EPSTI1: variants seen among roughly 807,000 people sequenced by gnomAD.
EPSTI1 encodes epithelial-stromal interaction protein 1.
EPSTI1 carries 66 observed loss-of-function variants against 49.9 expected under a neutral mutation model. The ratio of observed to expected loss-of-function variants is 1.32; its 90% CI spans 1.08 to 1.62. The LOEUF (loss-of-function observed/expected upper bound fraction) is 1.62, where lower values mean the gene tolerates loss of function less well. EPSTI1 is among the 40% of genes most tolerant of loss of function. EPSTI1 has a pLI of 0.00. For synonymous variants in EPSTI1, 137 were observed against 130.7 expected, an observed-to-expected ratio of 1.05 and a Z score of -0.33; for missense variants, 394 against 365.5, an observed-to-expected ratio of 1.08 and a Z score of -0.64.
At chr13:42,901,242 A>G (rs2037343235) in intron 8 of EPSTI1, among the ~76,000 whole-genome samples, 1 of 152,190 alleles carries the variant, frequency 6.6e-6, no homozygotes, top group Non-Finnish European at 1.5e-5. Context: ...ACACATACCA[A>G]TAAAAGGTTG....
chr13:42,970,749 T>G, intron 1 of EPSTI1, 79 bp from the exon 2 acceptor site: 1 of 1,070,674 alleles, frequency 9.3e-7, no homozygotes, highest in Non-Finnish European at 1.4e-6. Context: ...TTTTTCCTTC[T>G]ATTATACTGT....
chr13:42,969,311 T>C, intron 2 of EPSTI1, 134 bp from the exon 3 acceptor site: 1 of 844,198 alleles, frequency 1.2e-6, no homozygotes, highest in Non-Finnish European at 1.8e-6. Context: ...GCTTCCAGGT[T>C]AGAAACACAA....
chr13:42,951,783 G>T (rs1393556695), intron 6 of EPSTI1, among the ~76,000 whole-genome samples: 2 of 152,170 alleles, frequency 1.3e-5, no homozygotes. Flanking sequence ...GCCCCTCACT[G>T]TTAAGTAGGT....
chr13:42,891,268 T>C (rs971735389), intron 10 of EPSTI1, among the ~76,000 whole-genome samples: 1 of 152,248 alleles, frequency 6.6e-6, no homozygotes, highest in East Asian at 1.9e-4. Context: ...ACTTCCTTCT[T>C]TTTAATCAGA....
chr13:42,909,284 TAAC>T lies in EPSTI1; in HGVS notation c.741+8254_741+8256del, dbSNP rs2037595748. Among the ~76,000 whole-genome samples the T allele has an allele frequency of 2.6e-5, 4 of 151,970 alleles. No homozygotes were observed. In the South Asian group the frequency reaches 8.3e-4, roughly 32 times the overall value. ...GGCTATCATCAAAAAGGACAAAAGATAACAAGCGATGGCAAGAATATGGAGAAA... is the reference window on the plus strand; with the variant it reads ...GGCTATCATCAAAAAGGACAAAAGATAAGCGATGGCAAGAATATGGAGAAA... On this transcript the variant is annotated intron_variant, in intron 8 of 10. Coordinates refer to ENST00000313624, the MANE Select transcript of EPSTI1 (RefSeq NM_033255.5).
intron 1 of EPSTI1, among the ~76,000 whole-genome samples, chr13:42,984,485 G>T (rs1167179832): frequency 6.6e-6 from 1 of 152,162 alleles, no homozygotes; most frequent in Non-Finnish European, 1.5e-5. Context: ...GAGTCAAAAT[G>T]ACTTAAGTTC....
At chr13:42,974,486 T>C (rs1334065075) in intron 1 of EPSTI1, among the ~76,000 whole-genome samples, 1 of 144,704 alleles carries the variant, frequency 6.9e-6, no homozygotes, top group Non-Finnish European at 1.5e-5. Flanking sequence ...TGAAACCCCG[T>C]CTCTACTAAA....
Position 42,964,056 on chromosome 13 carries a change from G to A in EPSTI1, c.405+10C>T, listed in dbSNP as rs534626481. On this transcript the variant is annotated intron_variant, in intron 4 of 10. Coordinates refer to ENST00000313624, the MANE Select transcript of EPSTI1 (RefSeq NM_033255.5). ...TTACCAAAATTCAACTAAAAGAGAT[G>A]AATTCTGACCTTTTGCTTGTATTTA... The A allele has an allele frequency of 1.2e-6, 2 of 1,610,148 alleles. No individual in the cohort carries two copies. The highest frequency in any genetic ancestry group is 1.7e-5 in the Admixed American group (1 of 59,634).
At chr13:42,892,390 C>T (rs1335581230) in intron 10 of EPSTI1, among the ~76,000 whole-genome samples, 4 of 152,016 alleles carry the variant, frequency 2.6e-5, no homozygotes, top group Non-Finnish European at 4.4e-5. Context: ...CTGAGAGAGG[C>T]TGGAAGCAGG....
chr13:42,942,765 T>C (rs1566140438), intron 6 of EPSTI1, among the ~76,000 whole-genome samples: 2 of 136,486 alleles, frequency 1.5e-5, no homozygotes, highest in Non-Finnish European at 3.1e-5. Context: ...CTCGGCTCAC[T>C]GCAAGCTCCG....
At chr13:42,954,498 A>C (rs1233363478) in intron 5 of EPSTI1, among the ~76,000 whole-genome samples, 1 of 152,206 alleles carries the variant, frequency 6.6e-6, no homozygotes, top group Non-Finnish European at 1.5e-5. Context: ...ACTTAGTATC[A>C]GATACTTAAA....
At chr13:42,902,050 G>C (rs1262520798) in intron 8 of EPSTI1, among the ~76,000 whole-genome samples, 1 of 151,892 alleles carries the variant, frequency 6.6e-6, no homozygotes, top group Non-Finnish European at 1.5e-5. Context: ...AGTTTACTGA[G>C]AATGATGATT....
At position 42,962,779 on chromosome 13, in the gene EPSTI1, C is replaced by CA. The variant is rs35478687; in HGVS notation, c.489+475dup. On this transcript the variant is annotated intron_variant, in intron 5 of 10. Transcript: ENST00000313624. ...TGTGCAACAGAGTGAGACCCCGTCT[C>CA]AAAAAAAAAAGAAAGGAAACAGTTT... is the stretch of plus-strand genomic sequence containing the variant. Among the ~76,000 whole-genome samples the CA allele has an allele frequency of 1.6e-3, 227 of 144,178 alleles. No individual in the cohort carries two copies. In the East Asian group the frequency reaches 0.02, roughly 13 times the overall value. The allele number at this position is 144,178 out of a possible 152,430, so 94.6% of individuals were successfully genotyped here.
chr13:42,977,683 C>T (rs181032900), intron 1 of EPSTI1, among the ~76,000 whole-genome samples: 81 of 152,312 alleles, frequency 5.3e-4, no homozygotes, highest in African/African-American at 1.9e-3. Context: ...AGTGGTAATC[C>T]GTTGCTGTAC....
chr13:42,890,520 G>A (rs1249720939), intron 10 of EPSTI1, among the ~76,000 whole-genome samples: 2 of 151,982 alleles, frequency 1.3e-5, no homozygotes, highest in Non-Finnish European at 2.9e-5. Context: ...GGATGGTCTC[G>A]ATCTCCTGAC....
rs1343155298 is a variant in EPSTI1 at position 42,992,024 on chromosome 13, G to A, written c.142C>T (p.Pro48Ser). The change falls in exon 1 of 11, where the codon CCT becomes TCT. Residue 48 changes from proline to serine, a missense_variant. Transcript: ENST00000313624. Reference sequence around the variant, plus strand: ...ACGCTCTCCCGCGAAGGGCCCTTAGGGGCTGCCTCCAAACCCTCTCTCTGG... The same window carrying A: ...ACGCTCTCCCGCGAAGGGCCCTTAGAGGCTGCCTCCAAACCCTCTCTCTGG... ...EDQREGLEAA[P>S]KGPSRESVVH... The A allele has an allele frequency of 1.9e-6, 3 of 1,613,478 alleles. No homozygotes were observed. Among genetic ancestry groups the A allele is most frequent in the South Asian group, 2.2e-5 (2 of 91,030 alleles).
chr13:42,909,207 A>G (rs1191064698), intron 8 of EPSTI1, among the ~76,000 whole-genome samples: 1 of 152,224 alleles, frequency 6.6e-6, no homozygotes, highest in Non-Finnish European at 1.5e-5. Context: ...ACTAACCATC[A>G]GGAAAATGCA....
At chr13:42,947,369 C>T (rs1356638832) in intron 6 of EPSTI1, among the ~76,000 whole-genome samples, 3 of 152,050 alleles carry the variant, frequency 2.0e-5, no homozygotes, top group South Asian at 2.1e-4. Context: ...ACACACAAAG[C>T]GATGGTTAAA....
chr13:42,956,294 T>C (rs573553328), intron 5 of EPSTI1, among the ~76,000 whole-genome samples: 34 of 152,206 alleles, frequency 2.2e-4, no homozygotes, highest in Non-Finnish European at 4.3e-4. Context: ...GGTGCTTCTT[T>C]CTATGGAGAG....
Sources: gnomAD v4.1 joint callset for allele counts (sites outside exome capture counted in the v4.1 genomes callset) on GRCh38, gnomAD v4.1.1 for gene constraint, MANE v1.5 for transcripts, NCBI Gene and HGNC (gene_info 2026-07-23, HGNC 2026-07-21) for gene names.